Variants in TRIM44 observed in about 807,000 individuals in gnomAD.
TRIM44 encodes the protein tripartite motif containing 44, also known as tripartite motif-containing protein 44.
A neutral mutation model predicts 37.4 loss-of-function variants in TRIM44; 13 were observed. That is an observed-to-expected ratio of 0.35 (90% CI 0.23 to 0.55). The LOEUF is 0.55. Ranked by LOEUF, TRIM44 falls within the 20% of genes least tolerant of loss-of-function variation. The pLI is 0.89. For missense variants in TRIM44, 426 were observed against 437.2 expected, an observed-to-expected ratio of 0.97 and a Z score of 0.23; for synonymous variants, 175 against 157.2, an observed-to-expected ratio of 1.11 and a Z score of -0.85.
At chr11:35,790,490 C>T (rs887936065) in intron 4 of TRIM44, among the ~76,000 whole-genome samples, 1 of 152,176 alleles carries the variant, frequency 6.6e-6, no homozygotes, top group African/African-American at 2.4e-5. Context: ...TGGGTAGTGA[C>T]ATATAAAGGA....
At chr11:35,665,866 G>A (rs975418932) in intron 1 of TRIM44, among the ~76,000 whole-genome samples, 1 of 151,698 alleles carries the variant, frequency 6.6e-6, no homozygotes, top group South Asian at 2.1e-4. Flanking sequence ...GGGATTATAG[G>A]TGTTAGCCAC....
Position 35,813,157 on chromosome 11 carries a change from T to C in TRIM44, c.*6772T>C, listed in dbSNP as rs752640167. On this transcript the variant is annotated 3_prime_UTR_variant, in exon 5 of 5. Coordinates refer to ENST00000299413, the MANE Select transcript of TRIM44 (RefSeq NM_017583.6). ...CGGCCACAGCATACCATTTGCCTTATAAAAATGGCCCACAACCTTCACAAT... is the reference window on the plus strand; with the variant it reads ...CGGCCACAGCATACCATTTGCCTTACAAAAATGGCCCACAACCTTCACAAT... 6 of 152,308 alleles carry C rather than the reference T, an allele frequency of 3.9e-5. No homozygotes were observed. Among genetic ancestry groups the C allele is most frequent in the African/African-American group, 7.2e-5 (3 of 41,572 alleles). The allele number at this position is 152,308 out of a possible 1,614,324, so 9.4% of individuals were successfully genotyped here. A position where few individuals can be genotyped will look rare whatever the true frequency, so the allele number is the denominator to read the frequency against.
At chr11:35,805,495 G>A (rs1251534598) in intron 4 of TRIM44, among the ~76,000 whole-genome samples, 2 of 152,168 alleles carry the variant, frequency 1.3e-5, no homozygotes, top group South Asian at 2.1e-4. Context: ...TGAGGGACTT[G>A]ACAACTATTT....
At chr11:35,695,996 G>C (rs1200616649) in intron 2 of TRIM44, among the ~76,000 whole-genome samples, 2 of 151,368 alleles carry the variant, frequency 1.3e-5, no homozygotes, top group Non-Finnish European at 2.9e-5. Context: ...TTCAGTGTTA[G>C]AGGAAAGAAA....
intron 3 of TRIM44, among the ~76,000 whole-genome samples, chr11:35,733,109 A>G (rs1852284042): frequency 6.6e-6 from 1 of 152,164 alleles, no homozygotes; most frequent in Non-Finnish European, 1.5e-5. Flanking sequence ...TTTCTCATTT[A>G]TTTTAATCCA....
intron 4 of TRIM44, among the ~76,000 whole-genome samples, chr11:35,757,755 T>C (rs749228017): frequency 4.5e-4 from 69 of 152,366 alleles, no homozygotes; most frequent in Non-Finnish European, 9.1e-4. Context: ...TTTCGTTATG[T>C]ACCCAGTAGT....
At chr11:35,723,379 C>T (rs1852132562) in intron 2 of TRIM44, among the ~76,000 whole-genome samples, 1 of 152,170 alleles carries the variant, frequency 6.6e-6, no homozygotes, top group African/African-American at 2.4e-5. Flanking sequence ...TAATCATATT[C>T]CACTTCACCC....
At chr11:35,785,512 T>C (rs553332533) in intron 4 of TRIM44, among the ~76,000 whole-genome samples, 7 of 152,292 alleles carry the variant, frequency 4.6e-5, no homozygotes, top group African/African-American at 1.7e-4. Flanking sequence ...GAGTCAGAAT[T>C]GTAGGAGGCT....
intron 2 of TRIM44, among the ~76,000 whole-genome samples, chr11:35,700,091 A>G (rs952721454): frequency 1.3e-5 from 2 of 152,226 alleles, no homozygotes; most frequent in Admixed American, 6.5e-5. Context: ...CAGAACTGGA[A>G]AAAACTACTT....
At position 35,803,272 on chromosome 11, in the gene TRIM44, TAA is replaced by T. The variant is rs35125638; in HGVS notation, c.1008-3070_1008-3069del. On this transcript the variant is annotated intron_variant, in intron 4 of 4. Transcript: ENST00000299413. Reference sequence around the variant, plus strand: ...GTCTGCCTAACACCCTTAGTTTATTTAAAAAAAAAAAAAAAAATGAAACAGCC... The same window carrying T: ...GTCTGCCTAACACCCTTAGTTTATTTAAAAAAAAAAAAAAATGAAACAGCC... Among the ~76,000 whole-genome samples the T allele has an allele frequency of 9.5e-3, 1,354 of 142,332 alleles. 9 individuals carry two copies. The highest frequency in any genetic ancestry group is 0.015 in the Non-Finnish European group (970 of 65,594). 93.4% of individuals were successfully genotyped at this position (142,332 alleles called of 152,430 possible).
At chr11:35,740,217 T>C (rs1056415312) in intron 4 of TRIM44, among the ~76,000 whole-genome samples, 7 of 151,758 alleles carry the variant, frequency 4.6e-5, no homozygotes, top group South Asian at 2.1e-4. Context: ...TGTGCTATTA[T>C]GAGAGATCTT....
At chr11:35,706,863 T>C in intron 2 of TRIM44, among the ~76,000 whole-genome samples, 2 of 151,098 alleles carry the variant, frequency 1.3e-5, no homozygotes, top group Admixed American at 1.3e-4. Context: ...AAGACAGGGA[T>C]GCCCTCTCTC....
intron 1 of TRIM44, among the ~76,000 whole-genome samples, chr11:35,666,361 TG>T (rs1157220406): frequency 6.6e-6 from 1 of 152,182 alleles, no homozygotes; most frequent in Non-Finnish European, 1.5e-5. Flanking sequence ...AAGAGTGTGT[TG>T]GCCAGTTTTG....
intron 1 of TRIM44, among the ~76,000 whole-genome samples, chr11:35,678,312 G>A (rs1009609526): frequency 6.6e-6 from 1 of 152,150 alleles, no homozygotes; most frequent in East Asian, 1.9e-4. Flanking sequence ...CAATACGATA[G>A]TGAAGAATAC....
intron 4 of TRIM44, among the ~76,000 whole-genome samples, chr11:35,797,599 A>C (rs1409036361): frequency 6.6e-6 from 1 of 152,208 alleles, no homozygotes; most frequent in East Asian, 1.9e-4. Context: ...TGATAATGGC[A>C]CTTTACCTCT....
rs1430951415 is a variant in TRIM44 at position 35,663,362 on chromosome 11, A to G, written c.251A>G (p.Lys84Arg). The change falls in exon 1 of 5, where the codon AAG (lysine) becomes AGG (arginine). Residue 84 changes from lysine (K) to arginine (R), a missense_variant. Transcript: ENST00000299413. ...GCGGGGAAGGAAGAAGCGGAGGTCA[A>G]GGTGGAGCAGGAGAGGGAGATAGAA... The part of the protein sequence containing the change: ...EGAGKEEAEV[K>R]VEQEREIESE... The G allele has an allele frequency of 6.2e-7, 1 of 1,613,304 alleles. No homozygotes were observed. Among genetic ancestry groups the G allele is most frequent in the Non-Finnish European group, 8.5e-7 (1 of 1,179,634 alleles).
chr11:35,786,216 A>C (rs1317895517), intron 4 of TRIM44, among the ~76,000 whole-genome samples: 1 of 152,222 alleles, frequency 6.6e-6, no homozygotes, highest in African/African-American at 2.4e-5. Flanking sequence ...CTTTAGTAGC[A>C]TTCACATCTA....
At chr11:35,770,211 C>A (rs1356351200) in intron 4 of TRIM44, among the ~76,000 whole-genome samples, 11 of 152,160 alleles carry the variant, frequency 7.2e-5, no homozygotes, top group Non-Finnish European at 1.5e-4. Flanking sequence ...TCAGCTGTAT[C>A]CATACTGCTG....
At chr11:35,692,134 T>G (rs577758378) in intron 2 of TRIM44, among the ~76,000 whole-genome samples, 2 of 152,068 alleles carry the variant, frequency 1.3e-5, no homozygotes, top group African/African-American at 2.4e-5. Flanking sequence ...AAGAAAGAAA[T>G]AAAATCGCCC....
Sources: gnomAD v4.1 joint callset for allele counts (sites outside exome capture counted in the v4.1 genomes callset) on GRCh38, gnomAD v4.1.1 for gene constraint, MANE v1.5 for transcripts, NCBI Gene and HGNC (gene_info 2026-07-23, HGNC 2026-07-21) for gene names.